Variants in USP34 observed in about 807,000 individuals in gnomAD.
USP34 encodes ubiquitin specific peptidase 34.
USP34 carries 70 observed loss-of-function variants against 460.3 expected under a neutral mutation model. The observed-to-expected ratio is 0.15, with a 90% CI of 0.13 to 0.19. USP34 has a LOEUF of 0.19. Among genes scored for constraint, USP34 ranks in the 10% least tolerant of loss-of-function variants. The pLI is 1.00. For synonymous variants in USP34, 1,647 were observed against 1,405.3 expected, an observed-to-expected ratio of 1.17 and a Z score of -3.85; for missense variants, 3,985 against 4,236.2, an observed-to-expected ratio of 0.94 and a Z score of 1.65.
At position 61,194,326 on chromosome 2, in the gene USP34, T is replaced by C. The variant is rs552850175; in HGVS notation, c.9509-1346A>G. 211 of 983,832 alleles carry C rather than the reference T, an allele frequency of 2.1e-4. No homozygotes were observed. The Middle Eastern group carries it at 3.7e-3, about 17-fold the overall frequency. The allele number at this position is 983,832 out of a possible 1,614,324, so 60.9% of individuals were successfully genotyped here. ...ACCCACCACGGTATCACCACACACA[T>C]AGGTAAACAAGGACATGTCATCACA... On this transcript the variant is annotated intron_variant, in intron 75 of 79. Coordinates refer to ENST00000398571, the MANE Select transcript of USP34 (RefSeq NM_014709.4).
At chr2:61,425,197 G>A (rs527712682) in intron 1 of USP34, among the ~76,000 whole-genome samples, 1 of 151,926 alleles carries the variant, frequency 6.6e-6, no homozygotes, top group Non-Finnish European at 1.5e-5. Flanking sequence ...CGCCAACAAG[G>A]ATACCAAATT....
intron 8 of USP34, among the ~76,000 whole-genome samples, chr2:61,374,212 C>T (rs1242599901): frequency 1.3e-5 from 2 of 151,642 alleles, no homozygotes; most frequent in African/African-American, 2.4e-5. Context: ...GTTTAGATGC[C>T]TTGCCTGAGG....
At chr2:61,215,299 G>C (rs1455235075) in intron 67 of USP34, among the ~76,000 whole-genome samples, 2 of 151,862 alleles carry the variant, frequency 1.3e-5, no homozygotes, top group Non-Finnish European at 2.9e-5. Flanking sequence ...GGAAAGAACT[G>C]GGTGTTAAAT....
intron 1 of USP34, among the ~76,000 whole-genome samples, chr2:61,445,371 G>A (rs980321938): frequency 1.3e-5 from 2 of 149,660 alleles, no homozygotes; most frequent in African/African-American, 2.5e-5. Context: ...CCATCTCTAC[G>A]AAAAATACAA....
chr2:61,290,748 G>A (rs1359197970), intron 33 of USP34, among the ~76,000 whole-genome samples: 2 of 152,096 alleles, frequency 1.3e-5, no homozygotes, highest in Non-Finnish European at 2.9e-5. Context: ...TCTTTAAAAT[G>A]AGTGCATTAT....
intron 49 of USP34, 91 bp from the exon 50 acceptor site, chr2:61,246,568 A>G (rs1572868020): frequency 1.2e-6 from 1 of 838,564 alleles, no homozygotes; most frequent in Non-Finnish European, 1.6e-6. Context: ...ATCAATTACA[A>G]TATTTTAAGT....
chr2:61,384,183 G>A (rs186530473), intron 5 of USP34, among the ~76,000 whole-genome samples: 106 of 152,118 alleles, frequency 7.0e-4, no homozygotes, highest in African/African-American at 2.3e-3. Flanking sequence ...CTTACAGCTC[G>A]ACTGAGTTAT....
intron 75 of USP34, chr2:61,194,107 G>A (rs954293094): frequency 2.8e-5 from 28 of 985,292 alleles, no homozygotes; most frequent in Non-Finnish European, 3.3e-5. Flanking sequence ...CCGTGGGTTA[G>A]ACCAAGGACT....
intron 1 of USP34, among the ~76,000 whole-genome samples, chr2:61,434,878 A>G (rs543861684): frequency 6.6e-6 from 1 of 152,302 alleles, no homozygotes; most frequent in Non-Finnish European, 1.5e-5. Flanking sequence ...ATAGACCCCA[A>G]TCATAAAGAA....
At chr2:61,465,542 A>G (rs6748882) in intron 1 of USP34, among the ~76,000 whole-genome samples, 1,627 of 152,260 alleles carry the variant, frequency 0.011, 22 homozygotes, top group African/African-American at 0.036. Flanking sequence ...CTACCCTTTC[A>G]TTTAAAACAC....
chr2:61,324,756 G>GT (rs1691032584), intron 21 of USP34, among the ~76,000 whole-genome samples: 1 of 152,036 alleles, frequency 6.6e-6, no homozygotes. Context: ...GGGAGACAGT[G>GT]TGAGACCATG....
At chr2:61,370,644 TAG>T (rs1692593157) in intron 8 of USP34, 65 bp from the exon 9 acceptor site, 7 of 1,468,404 alleles carry the variant, frequency 4.8e-6, no homozygotes, top group East Asian at 2.3e-5. Flanking sequence ...GTCTAAAAGG[TAG>T]AGTCAATTGA....
chr2:61,431,234 T>C (rs1179483539), intron 1 of USP34, among the ~76,000 whole-genome samples: 3 of 152,130 alleles, frequency 2.0e-5, no homozygotes, highest in Non-Finnish European at 4.4e-5. Context: ...AGGTTTTTGT[T>C]TGTTTAGAGA....
chr2:61,240,572 C>A (rs944903547), intron 53 of USP34, among the ~76,000 whole-genome samples: 14 of 151,934 alleles, frequency 9.2e-5, no homozygotes, highest in Admixed American at 7.9e-4. Flanking sequence ...GCCACCGCGC[C>A]CAGCCCATTT....
At chr2:61,321,643 C>T (rs755078681) in intron 21 of USP34, among the ~76,000 whole-genome samples, 17 of 152,188 alleles carry the variant, frequency 1.1e-4, no homozygotes, top group Middle Eastern at 3.4e-3. Context: ...GTATTTAATA[C>T]GAATTTTCAC....
intron 1 of USP34, among the ~76,000 whole-genome samples, chr2:61,423,480 G>GA (rs1227316239): frequency 1.3e-5 from 2 of 152,088 alleles, no homozygotes; most frequent in Non-Finnish European, 2.9e-5. Context: ...AAAGAAAAAT[G>GA]AAACAAGGAG....
chr2:61,466,117 T>C (rs1475520195), intron 1 of USP34, among the ~76,000 whole-genome samples: 2 of 151,958 alleles, frequency 1.3e-5, no homozygotes, highest in East Asian at 3.9e-4. Context: ...ACAGAATGAC[T>C]ACGGTTAACA....
intron 1 of USP34, among the ~76,000 whole-genome samples, chr2:61,437,772 CAAAA>C (rs1196161550): frequency 3.1e-5 from 1 of 32,276 alleles, no homozygotes; most frequent in Non-Finnish European, 7.0e-5. Context: ...GACTCCGTCT[CAAAA>C]ATAAATAAAT....
chr2:61,428,135 A>C (rs1165622653), intron 1 of USP34, among the ~76,000 whole-genome samples: 1 of 150,524 alleles, frequency 6.6e-6, no homozygotes, highest in African/African-American at 2.4e-5. Flanking sequence ...ACTGCCCTCC[A>C]GCCTGAGCAA....
Sources: allele counts gnomAD v4.1 joint callset (sites outside exome capture counted in the v4.1 genomes callset), GRCh38; gene constraint gnomAD v4.1.1; transcripts MANE v1.5; gene names NCBI Gene and HGNC (gene_info 2026-07-23, HGNC 2026-07-21).